ADAP1: variants seen among roughly 807,000 people sequenced by gnomAD.
ADAP1 encodes the protein ArfGAP with dual PH domains 1, also known as arf-GAP with dual PH domain-containing protein 1.
ADAP1 carries 31 observed loss-of-function variants against 54.9 expected under a neutral mutation model. That is an observed-to-expected ratio of 0.56 (90% CI 0.42 to 0.76). The LOEUF is 0.76. ADAP1 is among the 30% of genes least tolerant of loss of function. The pLI is 0.00. For synonymous variants in ADAP1, 313 were observed against 202.6 expected, an observed-to-expected ratio of 1.55 and a Z score of -4.63; for missense variants, 535 against 512.4, an observed-to-expected ratio of 1.04 and a Z score of -0.42.
rs748136594 is a variant in ADAP1 at position 899,015 on chromosome 7, G to A, written c.1096+18C>T. 1.2e-6 allele frequency: 2 copies of A among 1,609,496 alleles called. No individual in the cohort carries two copies. The highest frequency in any genetic ancestry group is 2.2e-5 in the South Asian group (2 of 91,018). The stretch of plus-strand genomic sequence containing the variant: ...AGCTGGGAGCCCTTCCAGGCCGCCG[G>A]CCGCCCGCCCCCCTCACCTGCGTAC... On this transcript the variant is annotated intron_variant, in intron 10 of 10. Transcript: ENST00000265846.
intron 2 of ADAP1, among the ~76,000 whole-genome samples, chr7:931,959 C>T (rs1846595202): frequency 6.6e-6 from 1 of 152,154 alleles, no homozygotes; most frequent in African/African-American, 2.4e-5. Flanking sequence ...GGCCAAGGGG[C>T]CTGAGTGCAG....
chr7:904,039 C>T (rs927679820), intron 6 of ADAP1, 87 bp downstream of exon 6: 57 of 1,564,080 alleles, frequency 3.6e-5, no homozygotes, highest in Admixed American at 3.1e-4. Context: ...CCTCCCGTAC[C>T]GTCCAAGCAC....
At chr7:955,193 G>A (rs1182715830), upstream of ADAP1, 37 of 1,059,800 alleles carry the variant, frequency 3.5e-5, no homozygotes, top group Non-Finnish European at 4.1e-5. Context: ...CCCACAGATG[G>A]GACCCTCTGG....
chr7:928,916 C>G (rs957515432), intron 2 of ADAP1, among the ~76,000 whole-genome samples: 1 of 152,344 alleles, frequency 6.6e-6, no homozygotes, highest in Non-Finnish European at 1.5e-5. Flanking sequence ...CAGCTGAGAA[C>G]GGGAACAAGC....
chr7:926,549 T>C lies in ADAP1; in HGVS notation c.305+4A>G. 1 of 1,532,552 alleles carries C rather than the reference T, an allele frequency of 6.5e-7. No homozygotes were observed. Among genetic ancestry groups the C allele is most frequent in the Non-Finnish European group, 8.8e-7 (1 of 1,140,446 alleles). 94.9% of individuals were successfully genotyped at this position (1,532,552 alleles called of 1,614,324 possible). A position where few individuals can be genotyped will look rare whatever the true frequency, so the allele number is the denominator to read the frequency against. On this transcript the variant is annotated splice_donor_region_variant and intron_variant, in intron 3 of 10. Transcript: ENST00000265846. This position sits in a 1 kb window ranked among gnomAD's most constrained non-coding sequence, Gnocchi z 4.6. ...TGGCCCTGACAAGGCCCCTTTGTAC[T>C]CACTGGCAGTCGGAGGGCGTGGGCC...
chr7:899,537 C>T, intron 8 of ADAP1, 47 bp from the exon 9 acceptor site: 2 of 1,589,300 alleles, frequency 1.3e-6, no homozygotes, highest in Non-Finnish European at 1.7e-6. Flanking sequence ...CGAGGCAGGC[C>T]CTACATCCAG....
intron 6 of ADAP1, chr7:903,914 T>C: frequency 1.7e-6 from 1 of 572,882 alleles, no homozygotes; most frequent in Non-Finnish European, 2.9e-6. Context: ...CCTGCACCTG[T>C]CTTCCCATGC....
At chr7:947,142 T>G (rs570440818) in intron 1 of ADAP1, among the ~76,000 whole-genome samples, 1 of 151,424 alleles carries the variant, frequency 6.6e-6, no homozygotes, top group Non-Finnish European at 1.5e-5. Context: ...TGGGCTCAGG[T>G]AATCCTCCCA....
rs1297474586 is a variant in ADAP1, at chr7:946,191, C to T, written c.82+8205G>A. 6.6e-6 allele frequency among the ~76,000 whole-genome samples: 1 copy of T among 152,158 alleles called. No individual in the cohort carries two copies. ...GACCCAGGCCCCTCTCCAACTCCAC[C>T]TCCGTGTTTTCCGCATATTGTCTCC... On this transcript the variant is annotated intron_variant, in intron 1 of 10. Transcript: ENST00000265846. The surrounding 1 kb of genome is among the most constrained non-coding windows in gnomAD (Gnocchi z 4.3).
Position 898,539 on chromosome 7 carries a change from C to T in ADAP1, c.*382G>A. The stretch of plus-strand genomic sequence containing the variant: ...CAGCGGCCGGCAGCTGCCCACCGTG[C>T]TGGCCCCAAGCAGGGCTCTGCGCTG... On this transcript the variant is annotated 3_prime_UTR_variant, in exon 11 of 11. Transcript: ENST00000265846. 6.2e-6 allele frequency: 2 copies of T among 321,100 alleles called. No individual in the cohort carries two copies. Among genetic ancestry groups the T allele is most frequent in the Middle Eastern group, 1.0e-3 (1 of 966 alleles). The allele number at this position is 321,100 out of a possible 1,614,324, so 19.9% of individuals were successfully genotyped here. A position where few individuals can be genotyped will look rare whatever the true frequency, so the allele number is the denominator to read the frequency against.
chr7:950,201 A>G (rs1445434015), intron 1 of ADAP1, among the ~76,000 whole-genome samples: 1 of 152,130 alleles, frequency 6.6e-6, no homozygotes, highest in Admixed American at 6.5e-5. Context: ...AAGAATGAAT[A>G]CCAGCCGGGC....
chr7:903,437 G>C (rs1004672134), intron 6 of ADAP1, among the ~76,000 whole-genome samples: 1 of 152,176 alleles, frequency 6.6e-6, no homozygotes, highest in African/African-American at 2.4e-5. Flanking sequence ...ACGGGGGTTA[G>C]GAGGGACCTC....
chr7:931,975 C>T (rs376712212), intron 2 of ADAP1, among the ~76,000 whole-genome samples: 6 of 152,150 alleles, frequency 3.9e-5, no homozygotes, highest in African/African-American at 1.4e-4. Flanking sequence ...TGCAGGGAGC[C>T]AGGGGGGGCC....
Position 905,397 on chromosome 7 carries a change from GGAGAAA to G in ADAP1, c.389-231_389-226del, listed in dbSNP as rs1243427997. The G allele has an allele frequency of 1.8e-4, 43 of 235,750 alleles. 2 individuals carry two copies. Among genetic ancestry groups the G allele is most frequent in the South Asian group, 4.9e-4 (9 of 18,222 alleles). The allele number at this position is 235,750 out of a possible 1,614,324, so 14.6% of individuals were successfully genotyped here. On this transcript the variant is annotated intron_variant, in intron 4 of 10. Coordinates refer to ENST00000265846, the MANE Select transcript of ADAP1 (RefSeq NM_006869.4). ...GAAAGGAGAAAGGAGAAAGGAGAAA[GGAGAAA>G]GGAGAAAGGGAGAAAGAGAAAGGAG...
At chr7:917,865 G>A (rs1414900662) in intron 4 of ADAP1, among the ~76,000 whole-genome samples, 1 of 152,000 alleles carries the variant, frequency 6.6e-6, no homozygotes, top group Non-Finnish European at 1.5e-5. Context: ...CCGCCTCCCA[G>A]GCTCAAGAGA....
intron 4 of ADAP1, among the ~76,000 whole-genome samples, chr7:913,670 C>A (rs1845816339): frequency 1.3e-5 from 2 of 152,132 alleles, no homozygotes; most frequent in East Asian, 3.9e-4. Flanking sequence ...TGTGGTGGCT[C>A]ACGCCTATAA....
intron 4 of ADAP1, among the ~76,000 whole-genome samples, chr7:906,897 A>T (rs1160336174): frequency 2.1e-5 from 3 of 142,504 alleles, no homozygotes; most frequent in African/African-American, 7.7e-5. Context: ...GGCCCAAGCC[A>T]GCCTGAGGAC....
intron 4 of ADAP1, among the ~76,000 whole-genome samples, chr7:910,486 G>A (rs911928152): frequency 8.5e-5 from 13 of 152,136 alleles, no homozygotes; most frequent in African/African-American, 2.9e-4. Flanking sequence ...TCTGAGCTCA[G>A]GTGACCCTCC....
Position 906,797 on chromosome 7 carries a change from A to AGGTGACATGGGTGACACG in ADAP1, c.389-1626_389-1625insCGTGTCACCCATGTCACC, listed in dbSNP as rs1554272514. On this transcript the variant is annotated intron_variant, in intron 4 of 10. Transcript: ENST00000265846. Reference sequence around the variant, plus strand: ...GGACAGGGGACACGGGGGACGGGACAGGGGACATGGGGGGACATGGGTCAG... The same window carrying AGGTGACATGGGTGACACG: ...GGACAGGGGACACGGGGGACGGGACAGGTGACATGGGTGACACGGGGGACATGGGGGGACATGGGTCAG... Among the ~76,000 whole-genome samples, 179 of 37,348 alleles carry AGGTGACATGGGTGACACG rather than the reference A, an allele frequency of 4.8e-3. 20 individuals are homozygous for AGGTGACATGGGTGACACG. Among genetic ancestry groups the AGGTGACATGGGTGACACG allele is most frequent in the African/African-American group, 0.022 (171 of 7,630 alleles). The allele number at this position is 37,348 out of a possible 152,430, so 24.5% of individuals were successfully genotyped here. A position where few individuals can be genotyped will look rare whatever the true frequency, so the allele number is the denominator to read the frequency against.
Sources: gnomAD v4.1 joint callset for allele counts (sites outside exome capture counted in the v4.1 genomes callset) on GRCh38, gnomAD v4.1.1 for gene constraint, Gnocchi (gnomAD v3.1) non-coding constraint, MANE v1.5 for transcripts, NCBI Gene and HGNC (gene_info 2026-07-23, HGNC 2026-07-21) for gene names.